Variants in C12orf56 observed in about 807,000 individuals in gnomAD.
C12orf56 encodes uncharacterized protein C12orf56.
C12orf56 carries 71 observed loss-of-function variants against 69.9 expected under a neutral mutation model. That is an observed-to-expected ratio of 1.02 (90% CI 0.84 to 1.24). The LOEUF (loss-of-function observed/expected upper bound fraction) is 1.24. Ranked by LOEUF, C12orf56 falls within the 50% of genes most tolerant of loss-of-function variation. The pLI is 0.00. For missense variants in C12orf56, 732 were observed against 738.5 expected (o/e 0.99, Z 0.10); for synonymous variants, 276 against 274.1 (o/e 1.01, Z -0.07).
intron 1 of C12orf56, among the ~76,000 whole-genome samples, chr12:64,358,177 C>T (rs1021611772): frequency 1.1e-4 from 16 of 152,138 alleles, no homozygotes; most frequent in African/African-American, 3.4e-4. Flanking sequence ...ATCATAATCT[C>T]GGCTGGGCGC....
At chr12:64,359,746 C>T (rs1365527811) in intron 1 of C12orf56, among the ~76,000 whole-genome samples, 1 of 152,152 alleles carries the variant, frequency 6.6e-6, no homozygotes, top group Non-Finnish European at 1.5e-5. Flanking sequence ...CAGAGTCTCG[C>T]TCTGTCACCC....
chr12:64,352,994 G>T lies in C12orf56; in HGVS notation c.315C>A (p.Ile105=), dbSNP rs370408233. The T allele has an allele frequency of 9.3e-6, 15 of 1,612,478 alleles. No individual in the cohort carries two copies. Among genetic ancestry groups the T allele is most frequent in the African/African-American group, 2.7e-5 (2 of 74,816 alleles). ...TTTTCAAAACGGTTGAAGAATAGAT[G>T]ATACGAATGTGTTGGCTGATTTCTC... The part of the protein sequence containing the change: ...PDREISQHIR[I]IYSSTVLKKE... Residue 105 remains isoleucine (I), a synonymous_variant, in exon 2 of 13, where the codon ATC becomes ATA. Coordinates refer to ENST00000543942, the MANE Select transcript of C12orf56 (RefSeq NM_001170633.2).
At chr12:64,365,694 T>TATATA (rs1371538637) in intron 1 of C12orf56, among the ~76,000 whole-genome samples, 1 of 145,548 alleles carries the variant, frequency 6.9e-6, no homozygotes, top group Non-Finnish European at 1.5e-5. Flanking sequence ...TATATTCTAT[T>TATATA]ATATAATACA....
At chr12:64,270,417 CAAA>C in intron 12 of C12orf56, 116 bp downstream of exon 12, 1 of 961,654 alleles carries the variant, frequency 1.0e-6, no homozygotes, top group Non-Finnish European at 1.5e-6. Flanking sequence ...AACAAACAAA[CAAA>C]AAAGAATTCC....
intron 3 of C12orf56, among the ~76,000 whole-genome samples, chr12:64,319,979 C>A (rs1025389752): frequency 6.6e-6 from 1 of 152,018 alleles, no homozygotes; most frequent in Non-Finnish European, 1.5e-5. Flanking sequence ...TCCTGTTTGC[C>A]GCCTTGGCAG....
In C12orf56 at chr12:64,286,004, A is replaced by G. The variant is rs2038196288; in HGVS notation, c.1170T>C (p.Ser390=). Residue 390 remains serine (S), a synonymous_variant, in exon 7 of 13, where the codon TCT becomes TCC. Coordinates refer to ENST00000543942, the MANE Select transcript of C12orf56 (RefSeq NM_001170633.2). ...VNKLHEYLPE[S]RDKNALQNQS... The stretch of plus-strand genomic sequence containing the variant: ...GATTTTGTAGTGCATTCTTATCCCT[A>G]GACTCCGGCAAGTACTCATGAAGTT... The G allele has an allele frequency of 6.2e-7, 1 of 1,611,676 alleles. No homozygotes were observed. The highest frequency in any genetic ancestry group is 8.5e-7 in the Non-Finnish European group (1 of 1,178,420).
chr12:64,332,618 A>AG (rs11343942), intron 2 of C12orf56, among the ~76,000 whole-genome samples: 40 of 151,956 alleles, frequency 2.6e-4, no homozygotes, highest in African/African-American at 8.2e-4. Flanking sequence ...AGTTATTTCA[A>AG]GGGGGGGCTC....
chr12:64,343,535 G>C (rs774797978), intron 2 of C12orf56, among the ~76,000 whole-genome samples: 1 of 152,238 alleles, frequency 6.6e-6, no homozygotes, highest in Non-Finnish European at 1.5e-5. Context: ...CATTTGCCAA[G>C]TCAATGGCTG....
intron 1 of C12orf56, among the ~76,000 whole-genome samples, chr12:64,381,368 A>G (rs945143104): frequency 1.3e-5 from 2 of 152,176 alleles, no homozygotes; most frequent in Non-Finnish European, 2.9e-5. Flanking sequence ...CAATTTGAGG[A>G]GAGTCAGAAT....
chr12:64,345,209 T>TG (rs1455574396), intron 2 of C12orf56, among the ~76,000 whole-genome samples: 2 of 151,966 alleles, frequency 1.3e-5, no homozygotes, highest in African/African-American at 2.4e-5. Flanking sequence ...ACAGGAACAT[T>TG]GGGGGGTGGG....
chr12:64,284,519 A>T, intron 8 of C12orf56, 145 bp downstream of exon 8: 1 of 541,248 alleles, frequency 1.8e-6, no homozygotes, highest in Non-Finnish European at 3.2e-6. Context: ...TCATCATGGA[A>T]GGAAGGAGAA....
chr12:64,302,623 G>A (rs1480358538), intron 6 of C12orf56, among the ~76,000 whole-genome samples: 1 of 151,840 alleles, frequency 6.6e-6, no homozygotes, highest in Admixed American at 6.6e-5. Flanking sequence ...GCTCTCTCAT[G>A]GAGGCCTCAT....
At chr12:64,319,346 G>T (rs1053596690) in intron 3 of C12orf56, among the ~76,000 whole-genome samples, 2 of 152,160 alleles carry the variant, frequency 1.3e-5, no homozygotes, top group Non-Finnish European at 2.9e-5. Flanking sequence ...CATTGCTAAT[G>T]GATCCTATAA....
intron 1 of C12orf56, among the ~76,000 whole-genome samples, chr12:64,365,073 T>C (rs929981093): frequency 6.6e-6 from 1 of 152,080 alleles, no homozygotes; most frequent in Non-Finnish European, 1.5e-5. Context: ...CTAACATTCA[T>C]TGAACACTCA....
In C12orf56 at chr12:64,274,967, G is replaced by A. The variant is rs113778554; in HGVS notation, c.1518C>T (p.Leu506=). The A allele has an allele frequency of 8.9e-3, 14,387 of 1,609,708 alleles. 85 individuals carry two copies. Among genetic ancestry groups the A allele is most frequent in the Non-Finnish European group, 0.011 (12,787 of 1,176,326 alleles). Reference sequence around the variant, plus strand: ...TAGCAAACTTTGTGGATCCCAATCCGAGATTTCCCTAAAAGACTCAAGGAA... The same window carrying A: ...TAGCAAACTTTGTGGATCCCAATCCAAGATTTCCCTAAAAGACTCAAGGAA... The part of the protein sequence containing the change: ...EILLVFQQGN[L]GLGSTKFAIS... The change falls in exon 11 of 13, where the codon CTC becomes CTT. Residue 506 remains leucine (L), a synonymous_variant. Coordinates refer to ENST00000543942, the MANE Select transcript of C12orf56 (RefSeq NM_001170633.2).
chr12:64,359,850 G>C (rs1488612501), intron 1 of C12orf56, among the ~76,000 whole-genome samples: 1 of 152,030 alleles, frequency 6.6e-6, no homozygotes, highest in Non-Finnish European at 1.5e-5. Context: ...GAGTAGCTGG[G>C]ATTACAGGCA....
At chr12:64,300,249 C>T (rs995977767) in intron 6 of C12orf56, among the ~76,000 whole-genome samples, 19 of 152,054 alleles carry the variant, frequency 1.2e-4, no homozygotes, top group African/African-American at 4.3e-4. Context: ...CTACATGGCT[C>T]GATCTTGTAG....
Position 64,266,977 on chromosome 12 carries a change from G to T in C12orf56, c.*206C>A, listed in dbSNP as rs2037925455. 4 of 476,700 alleles carry T rather than the reference G, an allele frequency of 8.4e-6. No homozygotes were observed. The highest frequency in any genetic ancestry group is 3.6e-5 in the South Asian group (1 of 27,766). The allele number at this position is 476,700 out of a possible 1,614,324, so 29.5% of individuals were successfully genotyped here. A position where few individuals can be genotyped will look rare whatever the true frequency, so the allele number is the denominator to read the frequency against. On this transcript the variant is annotated 3_prime_UTR_variant, in exon 13 of 13. Coordinates refer to ENST00000543942, the MANE Select transcript of C12orf56 (RefSeq NM_001170633.2). The stretch of plus-strand genomic sequence containing the variant: ...TTTGCCCAATGGCATAAAGATCTTT[G>T]CACACTTATAATAAATCAAATTTAT...
intron 6 of C12orf56, among the ~76,000 whole-genome samples, chr12:64,298,761 C>A (rs1356534306): frequency 2.0e-5 from 3 of 152,174 alleles, no homozygotes; most frequent in Admixed American, 6.5e-5. Flanking sequence ...GGTACCAGTA[C>A]CATGCTCTTT....
Sources: gnomAD v4.1 joint callset for allele counts (sites outside exome capture counted in the v4.1 genomes callset) on GRCh38, gnomAD v4.1.1 for gene constraint, MANE v1.5 for transcripts, NCBI Gene and HGNC (gene_info 2026-07-23, HGNC 2026-07-21) for gene names.